Variants in VCP observed in about 807,000 individuals in gnomAD.
The protein encoded by VCP is transitional endoplasmic reticulum ATPase.
VCP carries 6 observed loss-of-function variants against 85.7 expected under a neutral mutation model. The ratio of observed to expected loss-of-function variants is 0.07; its 90% CI spans 0.04 to 0.14. The LOEUF (loss-of-function observed/expected upper bound fraction) is 0.14. Among genes scored for constraint, VCP ranks in the 10% least tolerant of loss-of-function variants. The pLI is 1.00. For missense variants in VCP, 353 were observed against 1,043.4 expected, an observed-to-expected ratio of 0.34 and a Z score of 9.12; for synonymous variants, 384 against 367.1, an observed-to-expected ratio of 1.05 and a Z score of -0.53.
chr9:35,060,216 G>T, intron 13 of VCP, 97 bp downstream of exon 13: 3 of 1,262,866 alleles, frequency 2.4e-6, no homozygotes, highest in Non-Finnish European at 1.1e-6. Context: ...CAGTTGAGCA[G>T]CCAGCACTAA....
chr9:35,066,582 T>A (rs200317878), intron 4 of VCP, 93 bp downstream of exon 4: 299 of 1,229,874 alleles, frequency 2.4e-4, no homozygotes, highest in East Asian at 1.5e-3. Context: ...ATAAAAGATT[T>A]AAAAAAAAAA....
At chr9:35,072,278 C>A in intron 1 of VCP, 59 bp downstream of exon 1, 1 of 1,486,436 alleles carries the variant, frequency 6.7e-7, no homozygotes, top group Non-Finnish European at 8.9e-7. Flanking sequence ...CGGGCCTACC[C>A]TGCGCGGCTG....
chr9:35,058,761 C>T (rs985458718), intron 15 of VCP, among the ~76,000 whole-genome samples: 1 of 151,526 alleles, frequency 6.6e-6, no homozygotes, highest in Non-Finnish European at 1.5e-5. Flanking sequence ...AGTGAGACTT[C>T]GTCTCAAAAA....
At position 35,064,327 on chromosome 9, in the gene VCP, T is replaced by C. The variant is rs200165441; in HGVS notation, c.577-42A>G. 2,765 of 1,611,276 alleles carry C rather than the reference T, an allele frequency of 1.7e-3. 4 individuals are homozygous for C. The highest frequency in any genetic ancestry group is 5.1e-3 in the Middle Eastern group (28 of 5,454). The stretch of plus-strand genomic sequence containing the variant: ...TAAAGAAAGGAGAAGGCAAGAATAT[T>C]ATATCAGCAAAAGCTGAGTTTCTCT... On this transcript the variant is annotated intron_variant, in intron 5 of 16. Transcript: ENST00000358901.
intron 4 of VCP, among the ~76,000 whole-genome samples, chr9:35,066,229 G>A (rs909975703): frequency 7.9e-5 from 12 of 151,268 alleles, no homozygotes; most frequent in Middle Eastern, 3.4e-3. Flanking sequence ...CCAGCAGTTT[G>A]AGACCAGCCT....
rs765736779 is a variant in VCP at position 35,068,145 on chromosome 9, A to C, written c.130-82T>G. On this transcript the variant is annotated intron_variant, in intron 2 of 16. Coordinates refer to ENST00000358901, the MANE Select transcript of VCP (RefSeq NM_007126.5). ...GCCCTGGAGATTGGGATTCCCAGTAAACCCCACTCTATCTGCAGTCACTGC... is the reference window on the plus strand; with the variant it reads ...GCCCTGGAGATTGGGATTCCCAGTACACCCCACTCTATCTGCAGTCACTGC... 6.3e-5 allele frequency: 101 copies of C among 1,608,698 alleles called. No individual in the cohort carries two copies. The Middle Eastern group carries it at 2.0e-3, about 31-fold the overall frequency.
At chr9:35,062,526 G>A (rs1828746306) in intron 7 of VCP, among the ~76,000 whole-genome samples, 176 bp from the exon 8 acceptor site, 1 of 152,128 alleles carries the variant, frequency 6.6e-6, no homozygotes, top group Non-Finnish European at 1.5e-5. Context: ...ACCAGGCAAG[G>A]CTGGAGAGAA....
In VCP at chr9:35,057,019, CT is replaced by C; in HGVS notation, c.*97del. 5.9e-6 allele frequency: 7 copies of C among 1,176,716 alleles called. No individual in the cohort carries two copies. The highest frequency in any genetic ancestry group is 8.9e-6 in the Non-Finnish European group (7 of 790,550). 72.9% of individuals were successfully genotyped at this position (1,176,716 alleles called of 1,614,324 possible). On this transcript the variant is annotated 3_prime_UTR_variant, in exon 17 of 17. Transcript: ENST00000358901. ...TGTTCAGACTGGAGAATGGAGCAGGCTGTGGGCGCACCCCTGGTCCCTCTCC... is the reference window on the plus strand; with the variant it reads ...TGTTCAGACTGGAGAATGGAGCAGGCGTGGGCGCACCCCTGGTCCCTCTCC...
At chr9:35,070,663 T>G in intron 1 of VCP, among the ~76,000 whole-genome samples, 1 of 152,324 alleles carries the variant, frequency 6.6e-6, no homozygotes, top group Middle Eastern at 3.4e-3. Context: ...CTCAAACTCC[T>G]GACCTCAAGT....
At chr9:35,061,201 C>T in intron 10 of VCP, 22 bp from the exon 11 acceptor site, 1 of 1,612,408 alleles carries the variant, frequency 6.2e-7, no homozygotes, top group Non-Finnish European at 8.5e-7. Flanking sequence ...GATCTACTTA[C>T]TATGCTGCCT....
Position 35,057,618 on chromosome 9 carries a change from C to T in VCP, c.2161-88G>A, listed in dbSNP as rs755231576. On this transcript the variant is annotated intron_variant, in intron 15 of 16. Transcript: ENST00000358901. ...CCTCCCATTACTGCAGTTTATTGGT[C>T]TCCTTGCCCTTCCAATCCAACCTGA... is the stretch of plus-strand genomic sequence containing the variant. 5.4e-4 allele frequency: 847 copies of T among 1,554,440 alleles called. 2 individuals carry two copies. The highest frequency in any genetic ancestry group is 6.5e-4 in the Non-Finnish European group (745 of 1,139,534).
At chr9:35,065,668 T>A (rs1425056635) in intron 4 of VCP, among the ~76,000 whole-genome samples, 1 of 152,126 alleles carries the variant, frequency 6.6e-6, no homozygotes, top group East Asian at 1.9e-4. Flanking sequence ...AAGTTTTCAC[T>A]ACAACCACCA....
intron 3 of VCP, among the ~76,000 whole-genome samples, chr9:35,067,651 A>G (rs1828859444): frequency 6.6e-6 from 1 of 152,244 alleles, no homozygotes; most frequent in Admixed American, 6.5e-5. Context: ...TAAAGCCATC[A>G]AGAAAGTTAC....
At chr9:35,061,273 C>T in intron 10 of VCP, 94 bp from the exon 11 acceptor site, 1 of 1,543,580 alleles carries the variant, frequency 6.5e-7, no homozygotes. Flanking sequence ...ACTGCTATCC[C>T]TGGGTCCTCT....
Position 35,059,872 on chromosome 9 carries a change from C to G in VCP, c.1696-71G>C. 6.2e-7 allele frequency: 1 copy of G among 1,600,208 alleles called. No individual in the cohort carries two copies. The highest frequency in any genetic ancestry group is 8.6e-7 in the Non-Finnish European group (1 of 1,169,308). On this transcript the variant is annotated intron_variant, in intron 13 of 16. Coordinates refer to ENST00000358901, the MANE Select transcript of VCP (RefSeq NM_007126.5). This position sits in a 1 kb window ranked among gnomAD's most constrained non-coding sequence, Gnocchi z 4.9. ...CTCTAGGCAAACGTGGTGGCTCACACCTGTATTCCCAGCACTTTGGGAGGC... is the reference window on the plus strand; with the variant it reads ...CTCTAGGCAAACGTGGTGGCTCACAGCTGTATTCCCAGCACTTTGGGAGGC...
In VCP at chr9:35,072,490, C is replaced by T. The variant is rs572232304; in HGVS notation, c.-137G>A. 67 of 1,153,152 alleles carry T rather than the reference C, an allele frequency of 5.8e-5. No homozygotes were observed. The East Asian group carries it at 1.6e-3, about 28-fold the overall frequency. 71.4% of individuals were successfully genotyped at this position (1,153,152 alleles called of 1,614,324 possible). On this transcript the variant is annotated 5_prime_UTR_variant, in exon 1 of 17. Coordinates refer to ENST00000358901, the MANE Select transcript of VCP (RefSeq NM_007126.5). The stretch of plus-strand genomic sequence containing the variant: ...GCGGCGACAAACCCGCAAGCGGCTT[C>T]CCTCTCGCTTCCTCCCACCGGCAGC...
At chr9:35,065,532 T>A in intron 4 of VCP, 151 bp from the exon 5 acceptor site, 1 of 1,038,028 alleles carries the variant, frequency 9.6e-7, no homozygotes, top group Non-Finnish European at 1.4e-6. Flanking sequence ...ACCCCACCTG[T>A]CTTAATAAGC....
At position 35,061,571 on chromosome 9, in the gene VCP, C is replaced by T. The variant is rs1208319802; in HGVS notation, c.1194+6G>A. The T allele has an allele frequency of 2.5e-6, 4 of 1,613,340 alleles. No homozygotes were observed. The Admixed American group carries it at 5.0e-5, about 20-fold the overall frequency. ...AACGCCTGGTCAGCCATCATCATCA[C>T]TTCACCTGTTCCAGGTCCACATCAT... On this transcript the variant is annotated splice_donor_region_variant and intron_variant, in intron 10 of 16. Coordinates refer to ENST00000358901, the MANE Select transcript of VCP (RefSeq NM_007126.5).
chr9:35,056,897 T>C lies in VCP; in HGVS notation c.*220A>G. 1 of 547,620 alleles carries C rather than the reference T, an allele frequency of 1.8e-6. No homozygotes were observed. The highest frequency in any genetic ancestry group is 3.3e-6 in the Non-Finnish European group (1 of 300,930). The allele number at this position is 547,620 out of a possible 1,614,324, so 33.9% of individuals were successfully genotyped here. A position where few individuals can be genotyped will look rare whatever the true frequency, so the allele number is the denominator to read the frequency against. On this transcript the variant is annotated 3_prime_UTR_variant, in exon 17 of 17. Transcript: ENST00000358901. Reference sequence around the variant, plus strand: ...GCCCAATTCCCTGTTGGTAATTCACTCTCCGCCTACCAAATGAAAATCGCT... The same window carrying C: ...GCCCAATTCCCTGTTGGTAATTCACCCTCCGCCTACCAAATGAAAATCGCT...
Sources: gnomAD v4.1 joint callset for allele counts (sites outside exome capture counted in the v4.1 genomes callset) on GRCh38, gnomAD v4.1.1 for gene constraint, Gnocchi (gnomAD v3.1) non-coding constraint, MANE v1.5 for transcripts, NCBI Gene and HGNC (gene_info 2026-07-23, HGNC 2026-07-21) for gene names.